The following BAZ2B variants were observed in gnomAD, a reference collection of about 807,000 sequenced individuals.
The protein encoded by BAZ2B is bromodomain adjacent to zinc finger domain protein 2B.
A neutral mutation model predicts 246.0 loss-of-function variants in BAZ2B; 91 were observed. That is an observed-to-expected ratio of 0.37 (90% CI 0.31 to 0.44). BAZ2B has a LOEUF of 0.44. Among genes scored for constraint, BAZ2B ranks in the 20% least tolerant of loss-of-function variants. The pLI is 1.00. For missense variants in BAZ2B, 2,332 were observed against 2,533.7 expected, an observed-to-expected ratio of 0.92 and a Z score of 1.71; for synonymous variants, 855 against 860.0, an observed-to-expected ratio of 0.99 and a Z score of 0.10.
chr2:159,589,865 C>T (rs182493639), intron 1 of BAZ2B, among the ~76,000 whole-genome samples: 1 of 152,062 alleles, frequency 6.6e-6, no homozygotes, highest in East Asian at 1.9e-4. Context: ...GAAGAATTTC[C>T]CAAACCTTTA....
intron 5 of BAZ2B, among the ~76,000 whole-genome samples, chr2:159,447,478 ATGT>A (rs373557655): frequency 2.1e-4 from 32 of 152,368 alleles, no homozygotes; most frequent in Middle Eastern, 3.4e-3. Context: ...ATCATCTAAA[ATGT>A]TGTTATAATT....
At chr2:159,546,855 T>G (rs1429426229) in intron 2 of BAZ2B, among the ~76,000 whole-genome samples, 1 of 152,128 alleles carries the variant, frequency 6.6e-6, no homozygotes, top group Non-Finnish European at 1.5e-5. Context: ...ATAACAAATC[T>G]GAAAGGCAGA....
At chr2:159,708,798 A>G in the BAZ2B span, among the ~76,000 whole-genome samples, 1 of 152,028 alleles carries the variant, frequency 6.6e-6, no homozygotes, top group East Asian at 1.9e-4. Context: ...GCTGGTCTCA[A>G]GCATCCTCCT....
At chr2:159,648,126 T>C in the BAZ2B span, among the ~76,000 whole-genome samples, 1 of 151,984 alleles carries the variant, frequency 6.6e-6, no homozygotes, top group Non-Finnish European at 1.5e-5. Context: ...CCACTATTTG[T>C]TTGTTTATTT....
chr2:159,652,678 T>C, the BAZ2B span, among the ~76,000 whole-genome samples: 1 of 152,082 alleles, frequency 6.6e-6, no homozygotes. Flanking sequence ...TGTTGAGTGG[T>C]ATAAACACGA....
chr2:159,655,863 G>A, the BAZ2B span, among the ~76,000 whole-genome samples: 2 of 151,968 alleles, frequency 1.3e-5, no homozygotes, highest in Admixed American at 1.3e-4. Context: ...CTGCTATTAT[G>A]TTTCCCATTA....
rs1342283870 is a variant in BAZ2B, at chr2:159,547,530, T to C, written c.-3+8293A>G. Among the ~76,000 whole-genome samples, 10 of 152,288 alleles carry C rather than the reference T, an allele frequency of 6.6e-5. No homozygotes were observed. The East Asian group carries it at 1.7e-3, about 26-fold the overall frequency. ...TTCTGCAGACTACAGTTATATTTTA[T>C]CCACTCCCTGACTAGCATTTCTTAT... On this transcript the variant is annotated intron_variant, in intron 2 of 36. Coordinates refer to ENST00000392783, the MANE Select transcript of BAZ2B (RefSeq NM_013450.4).
At chr2:159,370,826 A>C (rs1323945488) in intron 27 of BAZ2B, among the ~76,000 whole-genome samples, 2 of 152,014 alleles carry the variant, frequency 1.3e-5, no homozygotes, top group South Asian at 4.1e-4. Context: ...TTAGAGACAG[A>C]TCTTCACTCC....
the BAZ2B span, among the ~76,000 whole-genome samples, chr2:159,682,761 C>A: frequency 6.6e-6 from 1 of 152,106 alleles, no homozygotes; most frequent in African/African-American, 2.4e-5. Context: ...AATAATAGAA[C>A]ACCAGCTCAA....
rs1035048848 is a variant in BAZ2B, at chr2:159,449,180, T to C, written c.335-771A>G. ...ATTCAATAAAAGGTAAATACTTAAA[T>C]AGTGTCTCTTAAAGTTTTAGAAAAG... On this transcript the variant is annotated intron_variant, in intron 4 of 36. Transcript: ENST00000392783. Among the ~76,000 whole-genome samples, 10 of 152,308 alleles carry C rather than the reference T, an allele frequency of 6.6e-5. No individual in the cohort carries two copies. In the East Asian group the frequency reaches 7.7e-4, roughly 12 times the overall value.
intron 1 of BAZ2B, among the ~76,000 whole-genome samples, chr2:159,609,617 T>A (rs759440216): frequency 9.2e-5 from 14 of 152,198 alleles, no homozygotes; most frequent in South Asian, 2.1e-4. Flanking sequence ...CTAGGTTTGT[T>A]TGGTTGATTC....
intron 1 of BAZ2B, among the ~76,000 whole-genome samples, chr2:159,584,214 C>T (rs1246253368): frequency 6.6e-6 from 1 of 151,944 alleles, no homozygotes; most frequent in Non-Finnish European, 1.5e-5. Context: ...CTCCATGTCC[C>T]AGGTTCAAGC....
At chr2:159,371,172 C>T (rs2060812549) in intron 27 of BAZ2B, among the ~76,000 whole-genome samples, 1 of 151,636 alleles carries the variant, frequency 6.6e-6, no homozygotes, top group African/African-American at 2.4e-5. Context: ...GAGACAGGGC[C>T]CGCTCTGCCA....
chr2:159,402,130 T>G lies in BAZ2B; in HGVS notation c.2833-1466A>C, dbSNP rs2065172516. ...GTGATCTTATCATGGTACTGAATAT[T>G]AATTGTAGGCTGTCAAAAATAAAAA... On this transcript the variant is annotated intron_variant, in intron 16 of 36. Coordinates refer to ENST00000392783, the MANE Select transcript of BAZ2B (RefSeq NM_013450.4). Among the ~76,000 whole-genome samples the G allele has an allele frequency of 2.0e-5, 3 of 152,282 alleles. No homozygotes were observed. The South Asian group carries it at 6.2e-4, about 32-fold the overall frequency.
intron 36 of BAZ2B, 94 bp downstream of exon 36, chr2:159,324,717 G>T: frequency 4.3e-6 from 3 of 705,334 alleles, no homozygotes; most frequent in Non-Finnish European, 4.1e-6. Flanking sequence ...CCTATATCTT[G>T]CTGTTAATTA....
chr2:159,348,611 T>C (rs1054965574), intron 30 of BAZ2B, 67 bp downstream of exon 30: 11 of 1,502,692 alleles, frequency 7.3e-6, no homozygotes, highest in Non-Finnish European at 8.0e-6. Flanking sequence ...TACTAAAATA[T>C]GGTTTAGAAT....
intron 9 of BAZ2B, 109 bp downstream of exon 9, chr2:159,432,648 T>G (rs892470063): frequency 6.4e-6 from 9 of 1,403,774 alleles, no homozygotes; most frequent in Non-Finnish European, 8.6e-6. Context: ...CAAAGTTGTG[T>G]GAAACATAGT....
At chr2:159,604,947 TGTGTGCGC>T (rs1170928246) in intron 1 of BAZ2B, among the ~76,000 whole-genome samples, 7 of 131,604 alleles carry the variant, frequency 5.3e-5, no homozygotes, top group East Asian at 3.2e-4. Flanking sequence ...TGTGTGTGTG[TGTGTGCGC>T]GTGTGTGCGC....
chr2:159,668,143 A>T, the BAZ2B span, among the ~76,000 whole-genome samples: 2 of 152,136 alleles, frequency 1.3e-5, no homozygotes, highest in Non-Finnish European at 2.9e-5. Flanking sequence ...TGAAATTTTT[A>T]AAAAATACCA....
Sources: allele counts gnomAD v4.1 joint callset (sites outside exome capture counted in the v4.1 genomes callset), GRCh38; gene constraint gnomAD v4.1.1; transcripts MANE v1.5; gene names NCBI Gene and HGNC (gene_info 2026-07-23, HGNC 2026-07-21).